Variants in DNM3 observed in about 807,000 individuals in gnomAD.
DNM3 encodes the protein dynamin 3.
In DNM3, 47 loss-of-function variants were observed where a neutral mutation model predicts 101.6. That is an observed-to-expected ratio of 0.46 (90% CI 0.37 to 0.59). The LOEUF (loss-of-function observed/expected upper bound fraction) is 0.59. Among genes scored for constraint, DNM3 ranks in the 20% least tolerant of loss-of-function variants. The probability of loss-of-function intolerance (pLI) is 0.00; values close to 1 mark genes in which losing one functional copy is unlikely to be tolerated. For missense variants in DNM3, 849 were observed against 1,085.7 expected, an observed-to-expected ratio of 0.78 and a Z score of 3.06; for synonymous variants, 385 against 387.9, an observed-to-expected ratio of 0.99 and a Z score of 0.09.
At chr1:172,228,616 C>T (rs572987137) in intron 14 of DNM3, among the ~76,000 whole-genome samples, 2 of 152,234 alleles carry the variant, frequency 1.3e-5, no homozygotes, top group South Asian at 2.1e-4. Flanking sequence ...CAAGTTACCT[C>T]TCATAAAATT....
chr1:172,296,465 C>T (rs1011001372), intron 15 of DNM3, among the ~76,000 whole-genome samples: 4 of 152,160 alleles, frequency 2.6e-5, no homozygotes, highest in Admixed American at 6.6e-5. Flanking sequence ...CAGTGTCATT[C>T]GATACTCTCA....
chr1:172,365,829 T>A (rs2067986213), intron 17 of DNM3, among the ~76,000 whole-genome samples: 1 of 151,918 alleles, frequency 6.6e-6, no homozygotes, highest in Admixed American at 6.6e-5. Context: ...CCAAACACTG[T>A]ACGTGAGAAG....
intron 17 of DNM3, among the ~76,000 whole-genome samples, chr1:172,348,451 ATTAGT>A (rs2067047807): frequency 2.6e-5 from 4 of 152,202 alleles, no homozygotes; most frequent in Admixed American, 6.5e-5. Flanking sequence ...CGGACTGCTG[ATTAGT>A]TTAACCTGTA....
At chr1:172,018,359 T>C (rs1228987785) in intron 4 of DNM3, among the ~76,000 whole-genome samples, 2 of 152,218 alleles carry the variant, frequency 1.3e-5, no homozygotes, top group Non-Finnish European at 2.9e-5. Flanking sequence ...TTTCTTAGTA[T>C]ATAAGTTGCA....
chr1:172,397,766 G>A (rs567265068), intron 20 of DNM3, among the ~76,000 whole-genome samples: 2 of 150,656 alleles, frequency 1.3e-5, no homozygotes, highest in Admixed American at 6.6e-5. Flanking sequence ...TTTTTTCCTG[G>A]TATTTTCCTC....
chr1:172,382,668 C>T (rs561004211), intron 18 of DNM3, among the ~76,000 whole-genome samples: 1 of 152,108 alleles, frequency 6.6e-6, no homozygotes, highest in African/African-American at 2.4e-5. Flanking sequence ...CTCCTACCCC[C>T]ACAGGGTATT....
chr1:172,084,532 C>T (rs528149041), intron 12 of DNM3, among the ~76,000 whole-genome samples: 38 of 152,010 alleles, frequency 2.5e-4, no homozygotes, highest in Non-Finnish European at 4.0e-4. Context: ...CATGGGGTGA[C>T]GTGGAGTGAT....
chr1:171,999,199 T>A (rs2046210951), intron 4 of DNM3, among the ~76,000 whole-genome samples: 1 of 151,780 alleles, frequency 6.6e-6, no homozygotes, highest in Non-Finnish European at 1.5e-5. Context: ...GGGGGTGAGG[T>A]GATGTGCTTT....
chr1:172,009,017 A>G (rs2046914867), intron 4 of DNM3, among the ~76,000 whole-genome samples: 1 of 138,180 alleles, frequency 7.2e-6, no homozygotes, highest in African/African-American at 2.7e-5. Flanking sequence ...ACATGCATGT[A>G]CTTATTTATA....
At chr1:172,229,717 A>G (rs1433708941) in intron 14 of DNM3, among the ~76,000 whole-genome samples, 4 of 152,122 alleles carry the variant, frequency 2.6e-5, no homozygotes, top group Non-Finnish European at 5.9e-5. Context: ...ATATTATAAT[A>G]ACATAGATTA....
At chr1:171,892,908 G>T (rs942242128) in intron 1 of DNM3, among the ~76,000 whole-genome samples, 6 of 150,048 alleles carry the variant, frequency 4.0e-5, no homozygotes, top group African/African-American at 1.5e-4. Context: ...CAGACAGGAA[G>T]CGGAGCTCAG....
intron 14 of DNM3, among the ~76,000 whole-genome samples, chr1:172,218,453 AC>A: frequency 6.6e-6 from 1 of 152,224 alleles, no homozygotes; most frequent in East Asian, 1.9e-4. Flanking sequence ...TTTCACTGTA[AC>A]AAGGTGAAGA....
At chr1:172,227,504 A>T (rs539538277) in intron 14 of DNM3, among the ~76,000 whole-genome samples, 6 of 151,972 alleles carry the variant, frequency 3.9e-5, no homozygotes, top group Non-Finnish European at 8.8e-5. Flanking sequence ...AGAGATCTCC[A>T]TACTGTTTTC....
chr1:171,978,071 A>G (rs1160355953), intron 2 of DNM3, among the ~76,000 whole-genome samples: 2 of 152,286 alleles, frequency 1.3e-5, no homozygotes, highest in South Asian at 4.1e-4. Flanking sequence ...TCATCTACTC[A>G]TTCATTTATT....
chr1:171,895,451 G>A (rs1187617992), intron 1 of DNM3, among the ~76,000 whole-genome samples: 10 of 152,156 alleles, frequency 6.6e-5, no homozygotes, highest in Non-Finnish European at 1.5e-4. Flanking sequence ...AGAAGTGTCT[G>A]TTCATATCCT....
chr1:172,018,971 C>T (rs1403381172), intron 4 of DNM3, among the ~76,000 whole-genome samples: 1 of 140,306 alleles, frequency 7.1e-6, no homozygotes, highest in Non-Finnish European at 1.5e-5. Context: ...CCCCTTCCTT[C>T]CCTCCCTCCC....
rs772354266 is a variant in DNM3, at chr1:172,068,877, G to A, written c.1394G>A (p.Arg465His). 2.3e-5 allele frequency: 36 copies of A among 1,569,748 alleles called. No homozygotes were observed. Among genetic ancestry groups the A allele is most frequent in the Admixed American group, 7.5e-5 (4 of 53,388 alleles). The change falls in exon 11 of 21, where the codon CGT becomes CAT. Residue 465 changes from arginine to histidine, a missense_variant. By Grantham distance (29) the Arg-to-His change is conservative. Transcript: ENST00000627582. ...GAAAGGATTGTTGCTAACCACATTC[G>A]TGAGCGAGAAGGGAAGACAAAGGAC... ...ETERIVANHIREREGKTKDQV... is the reference protein window; with the variant it reads ...ETERIVANHIHEREGKTKDQV...
chr1:171,910,332 G>T (rs2039194207), intron 1 of DNM3, among the ~76,000 whole-genome samples: 1 of 152,316 alleles, frequency 6.6e-6, no homozygotes, highest in East Asian at 1.9e-4. Context: ...TAAATTGCAT[G>T]TCATTCTGAG....
At chr1:172,396,893 T>G (rs983319741) in intron 20 of DNM3, among the ~76,000 whole-genome samples, 6 of 152,232 alleles carry the variant, frequency 3.9e-5, no homozygotes, top group African/African-American at 1.4e-4. Flanking sequence ...TAAAGGCATT[T>G]CGCAGTCCAG....
Sources: gnomAD v4.1 joint callset for allele counts (sites outside exome capture counted in the v4.1 genomes callset) on GRCh38, gnomAD v4.1.1 for gene constraint, MANE v1.5 for transcripts, NCBI Gene and HGNC (gene_info 2026-07-23, HGNC 2026-07-21) for gene names.